CSMD1: variants seen among roughly 807,000 people sequenced by gnomAD.
CSMD1 encodes the protein CUB and sushi domain-containing protein 1.
CSMD1 carries 213 observed loss-of-function variants against 417.5 expected under a neutral mutation model. The ratio of observed to expected loss-of-function variants is 0.51; its 90% CI spans 0.46 to 0.57. The LOEUF (loss-of-function observed/expected upper bound fraction) is 0.57, where lower values mean the gene tolerates loss of function less well. Ranked by LOEUF, CSMD1 falls within the 20% of genes least tolerant of loss-of-function variation. The probability of loss-of-function intolerance (pLI) is 0.00; values close to 1 mark genes in which losing one functional copy is unlikely to be tolerated. For synonymous variants in CSMD1, 2,862 were observed against 1,736.8 expected (o/e 1.65, Z -16.11); for missense variants, 6,923 against 4,529.7 (o/e 1.53, Z -15.17).
chr8:4,611,376 C>A (rs1380996708), intron 2 of CSMD1, among the ~76,000 whole-genome samples: 1 of 152,200 alleles, frequency 6.6e-6, no homozygotes, highest in Non-Finnish European at 1.5e-5. Flanking sequence ...TCTAACTCAG[C>A]TCCCCACTGG....
At chr8:3,849,992 T>A (rs1044437968) in intron 5 of CSMD1, among the ~76,000 whole-genome samples, 3 of 129,568 alleles carry the variant, frequency 2.3e-5, no homozygotes, top group Non-Finnish European at 1.6e-5. Context: ...ATTTGTGTAT[T>A]TTTAGTTTCA....
intron 1 of CSMD1, among the ~76,000 whole-genome samples, chr8:4,895,289 G>A (rs943710121): frequency 6.6e-6 from 1 of 152,098 alleles, no homozygotes; most frequent in Non-Finnish European, 1.5e-5. Context: ...TATGAAAATG[G>A]TAAGTCCGTA....
At chr8:4,846,889 G>T (rs2116809920) in intron 1 of CSMD1, among the ~76,000 whole-genome samples, 1 of 152,128 alleles carries the variant, frequency 6.6e-6, no homozygotes, top group South Asian at 2.1e-4. Flanking sequence ...GAATAATAGT[G>T]AAACTTACTG....
At chr8:4,746,154 C>T (rs971227687) in intron 1 of CSMD1, among the ~76,000 whole-genome samples, 7 of 152,168 alleles carry the variant, frequency 4.6e-5, no homozygotes, top group Admixed American at 4.6e-4. Flanking sequence ...GTTTCTTGGG[C>T]TTTGCACCTT....
intron 5 of CSMD1, among the ~76,000 whole-genome samples, chr8:3,897,565 T>C (rs1332338763): frequency 6.6e-6 from 1 of 151,766 alleles, no homozygotes; most frequent in Non-Finnish European, 1.5e-5. Context: ...CATACAAAAC[T>C]ACCTCAGTAA....
At chr8:3,650,416 C>T (rs1173265463) in intron 7 of CSMD1, among the ~76,000 whole-genome samples, 1 of 152,100 alleles carries the variant, frequency 6.6e-6, no homozygotes, top group Non-Finnish European at 1.5e-5. Context: ...AAAAGTCATA[C>T]ATACAAATAA....
At chr8:3,854,220 C>T (rs940900237) in intron 5 of CSMD1, among the ~76,000 whole-genome samples, 1 of 148,330 alleles carries the variant, frequency 6.7e-6, no homozygotes, top group Non-Finnish European at 1.5e-5. Context: ...ACACTTAAAA[C>T]ATGTGAAACT....
At chr8:4,320,527 G>T (rs1799212189) in intron 3 of CSMD1, among the ~76,000 whole-genome samples, 1 of 151,542 alleles carries the variant, frequency 6.6e-6, no homozygotes, top group Admixed American at 6.6e-5. Flanking sequence ...CCCCCCAACA[G>T]GCCCCAGTGG....
At chr8:3,478,675 G>A (rs956111640) in intron 11 of CSMD1, among the ~76,000 whole-genome samples, 2 of 152,122 alleles carry the variant, frequency 1.3e-5, no homozygotes, top group Non-Finnish European at 2.9e-5. Flanking sequence ...TTCTCCAGAT[G>A]CAACTGTGAC....
intron 2 of CSMD1, among the ~76,000 whole-genome samples, chr8:4,458,785 G>A (rs1016064639): frequency 6.6e-6 from 1 of 151,876 alleles, no homozygotes; most frequent in Non-Finnish European, 1.5e-5. Flanking sequence ...TAACGGTTAG[G>A]AATATTTAAT....
At chr8:4,442,397 G>C (rs780997588) in intron 2 of CSMD1, among the ~76,000 whole-genome samples, 1 of 152,026 alleles carries the variant, frequency 6.6e-6, no homozygotes, top group Non-Finnish European at 1.5e-5. Context: ...CAAAGCCTAC[G>C]TTTCCAGTCC....
intron 3 of CSMD1, among the ~76,000 whole-genome samples, chr8:4,063,769 T>A (rs950024409): frequency 9.2e-5 from 14 of 152,168 alleles, no homozygotes; most frequent in African/African-American, 3.1e-4. Flanking sequence ...ATTTCATATC[T>A]ACTTCTTCAT....
At chr8:3,402,917 T>A (rs966965009) in intron 15 of CSMD1, among the ~76,000 whole-genome samples, 1 of 152,152 alleles carries the variant, frequency 6.6e-6, no homozygotes. Flanking sequence ...AGATAGACAT[T>A]TTCCTTGAAA....
At chr8:3,358,172 C>T (rs1466303542) in intron 21 of CSMD1, among the ~76,000 whole-genome samples, 1 of 152,176 alleles carries the variant, frequency 6.6e-6, no homozygotes, top group African/African-American at 2.4e-5. Context: ...ACCTTCCCCA[C>T]CTGCCTCCAG....
intron 1 of CSMD1, among the ~76,000 whole-genome samples, chr8:4,726,996 C>T (rs1809502322): frequency 6.6e-6 from 1 of 151,978 alleles, no homozygotes; most frequent in Non-Finnish European, 1.5e-5. Flanking sequence ...AAATGAGACC[C>T]CTATATGTCA....
chr8:3,877,298 G>T (rs4388472), intron 5 of CSMD1, among the ~76,000 whole-genome samples: 1 of 151,974 alleles, frequency 6.6e-6, no homozygotes. Flanking sequence ...GGAAACTTCT[G>T]CATGCTGGGA....
intron 2 of CSMD1, among the ~76,000 whole-genome samples, chr8:4,583,179 A>G (rs1240778873): frequency 2.0e-5 from 3 of 152,144 alleles, no homozygotes; most frequent in Non-Finnish European, 2.9e-5. Context: ...CACGGCACCC[A>G]GTCCCATCCA....
intron 6 of CSMD1, among the ~76,000 whole-genome samples, chr8:3,724,355 G>C (rs541778975): frequency 3.3e-5 from 5 of 152,038 alleles, no homozygotes; most frequent in Middle Eastern, 3.4e-3. Context: ...TTTTTGTTTG[G>C]TCAAATATAC....
At chr8:4,774,986 C>G (rs1161157759) in intron 1 of CSMD1, among the ~76,000 whole-genome samples, 1 of 152,124 alleles carries the variant, frequency 6.6e-6, no homozygotes, top group Non-Finnish European at 1.5e-5. Context: ...ACAAATTACC[C>G]AGCCTCAGGT....
Sources: allele counts gnomAD v4.1 joint callset (sites outside exome capture counted in the v4.1 genomes callset), GRCh38; gene constraint gnomAD v4.1.1; transcripts MANE v1.5; gene names NCBI Gene and HGNC (gene_info 2026-07-23, HGNC 2026-07-21).